OPCML: variants seen among roughly 807,000 people sequenced by gnomAD.
The protein encoded by OPCML is opioid binding protein/cell adhesion molecule like, also known as opioid-binding protein/cell adhesion molecule.
OPCML carries 13 observed loss-of-function variants against 37.8 expected under a neutral mutation model. The ratio of observed to expected loss-of-function variants is 0.34; its 90% CI spans 0.22 to 0.55. The LOEUF is 0.55. OPCML is among the 20% of genes least tolerant of loss of function. The pLI, the probability that OPCML is intolerant of heterozygous loss-of-function variation, is 0.91. For missense variants in OPCML, 341 were observed against 435.6 expected (o/e 0.78, Z 1.93); for synonymous variants, 176 against 168.8 (o/e 1.04, Z -0.33).
intron 1 of OPCML, among the ~76,000 whole-genome samples, chr11:133,140,531 TAAGAAGAAGAAG>T (rs1168417109): frequency 4.1e-4 from 36 of 88,102 alleles, no homozygotes; most frequent in African/African-American, 1.4e-3. Context: ...ATAATAATAA[TAAGAAGAAGAAG>T]AAGAAGAAGA....
chr11:133,179,205 G>T (rs1457316018), intron 1 of OPCML, among the ~76,000 whole-genome samples: 1 of 152,138 alleles, frequency 6.6e-6, no homozygotes, highest in African/African-American at 2.4e-5. Flanking sequence ...CAAATGTGAG[G>T]TTAAGAGAAA....
intron 3 of OPCML, among the ~76,000 whole-genome samples, chr11:132,600,796 TA>T (rs1341661045): frequency 2.6e-5 from 4 of 151,948 alleles, no homozygotes; most frequent in Non-Finnish European, 4.4e-5. Flanking sequence ...GTAACATTCT[TA>T]TACTTAGGTG....
intron 1 of OPCML, among the ~76,000 whole-genome samples, chr11:133,345,982 C>A (rs1186989587): frequency 6.6e-6 from 1 of 152,178 alleles, no homozygotes; most frequent in Non-Finnish European, 1.5e-5. Context: ...ATACACCAAT[C>A]AGAAGCCAGA....
At chr11:133,390,323 T>C (rs6590691) in intron 1 of OPCML, among the ~76,000 whole-genome samples, 51,424 of 149,992 alleles carry the variant, frequency 0.34, 9,960 homozygotes, top group African/African-American at 0.54. Flanking sequence ...ATTAGCCGGG[T>C]GTGGTGGCGG....
chr11:133,025,800 C>T (rs897488330), intron 1 of OPCML, among the ~76,000 whole-genome samples: 1 of 133,614 alleles, frequency 7.5e-6, no homozygotes, highest in Non-Finnish European at 1.5e-5. Context: ...GTGGTGCGAT[C>T]TTGGCTCACT....
At chr11:133,085,689 T>TA (rs1948807950) in intron 1 of OPCML, among the ~76,000 whole-genome samples, 1 of 152,186 alleles carries the variant, frequency 6.6e-6, no homozygotes, top group Non-Finnish European at 1.5e-5. Flanking sequence ...TTAAAGATCT[T>TA]ACAGACCAAA....
At chr11:133,099,169 T>C (rs953101574) in intron 1 of OPCML, among the ~76,000 whole-genome samples, 1 of 151,898 alleles carries the variant, frequency 6.6e-6, no homozygotes, top group Non-Finnish European at 1.5e-5. Context: ...ACTACAAAGA[T>C]ATCAAAGAAA....
chr11:133,096,220 T>A (rs1206854790), intron 1 of OPCML, among the ~76,000 whole-genome samples: 3 of 151,968 alleles, frequency 2.0e-5, no homozygotes, highest in Middle Eastern at 3.2e-3. Flanking sequence ...AATTTAGGAA[T>A]ATTTTGTTAT....
At chr11:133,458,584 C>T (rs1193531641) in intron 1 of OPCML, among the ~76,000 whole-genome samples, 2 of 96,766 alleles carry the variant, frequency 2.1e-5, no homozygotes, top group Admixed American at 9.4e-5. Context: ...CGTGTGTGTA[C>T]ACATATATAC....
At chr11:133,150,547 C>A (rs1450998277) in intron 1 of OPCML, among the ~76,000 whole-genome samples, 6 of 152,170 alleles carry the variant, frequency 3.9e-5, no homozygotes, top group African/African-American at 1.4e-4. Context: ...CTTACAGTGT[C>A]CTCTAAAACC....
chr11:132,494,946 T>C (rs2096226634), intron 4 of OPCML, among the ~76,000 whole-genome samples: 1 of 152,008 alleles, frequency 6.6e-6, no homozygotes, highest in Non-Finnish European at 1.5e-5. Context: ...GCTTTGAGAA[T>C]GAAGCTCAGA....
At chr11:133,279,716 T>C (rs969802248) in intron 1 of OPCML, among the ~76,000 whole-genome samples, 1 of 152,200 alleles carries the variant, frequency 6.6e-6, no homozygotes, top group African/African-American at 2.4e-5. Context: ...TATTGAAATA[T>C]GTCTTCCCAC....
chr11:132,590,311 A>C (rs2096482289), intron 3 of OPCML, among the ~76,000 whole-genome samples: 1 of 152,180 alleles, frequency 6.6e-6, no homozygotes, highest in Admixed American at 6.5e-5. Context: ...AATGAATGGA[A>C]GGATGAACAA....
intron 1 of OPCML, among the ~76,000 whole-genome samples, chr11:133,082,512 CCCTCCCCT>C (rs1300368754): frequency 3.7e-5 from 4 of 108,748 alleles, no homozygotes; most frequent in Non-Finnish European, 5.9e-5. Flanking sequence ...CCACCTGCCA[CCCTCCCCT>C]CCTCCCCTCC....
chr11:133,506,383 A>ACCT (rs1948031772), intron 1 of OPCML, among the ~76,000 whole-genome samples: 1 of 152,036 alleles, frequency 6.6e-6, no homozygotes, highest in African/African-American at 2.4e-5. Flanking sequence ...CATAAAAAGC[A>ACCT]CCTCCAAAAT....
chr11:132,981,950 G>A (rs1454828140), intron 1 of OPCML, among the ~76,000 whole-genome samples: 4 of 152,160 alleles, frequency 2.6e-5, no homozygotes, highest in South Asian at 2.1e-4. Flanking sequence ...ATTTGTGTCC[G>A]TCACATATCC....
chr11:133,274,387 G>A (rs1565542619), intron 1 of OPCML, among the ~76,000 whole-genome samples: 1 of 152,210 alleles, frequency 6.6e-6, no homozygotes, highest in Non-Finnish European at 1.5e-5. Context: ...ACAGAGACGT[G>A]TGAGGGAAGA....
intron 1 of OPCML, among the ~76,000 whole-genome samples, chr11:133,520,241 G>A (rs558557094): frequency 9.9e-5 from 15 of 152,206 alleles, no homozygotes; most frequent in East Asian, 5.8e-4. Context: ...TGCAGTGTGC[G>A]TGGGAGGTTC....
At chr11:132,681,731 A>G (rs1012756606) in intron 2 of OPCML, among the ~76,000 whole-genome samples, 14 of 152,204 alleles carry the variant, frequency 9.2e-5, no homozygotes, top group Admixed American at 2.6e-4. Context: ...CGAGGTGGGC[A>G]GATCACGAGG....
Sources: allele counts gnomAD v4.1 joint callset (sites outside exome capture counted in the v4.1 genomes callset), GRCh38; gene constraint gnomAD v4.1.1; transcripts MANE v1.5; gene names NCBI Gene and HGNC (gene_info 2026-07-23, HGNC 2026-07-21).